Variants in PEX5L observed in about 807,000 individuals in gnomAD.
PEX5L encodes the protein PEX5-related protein.
A neutral mutation model predicts 84.0 loss-of-function variants in PEX5L; 30 were observed. That is an observed-to-expected ratio of 0.36 (90% CI 0.27 to 0.48). PEX5L has a LOEUF of 0.48. PEX5L is among the 20% of genes least tolerant of loss of function. The pLI is 0.99. For missense variants in PEX5L, 533 were observed against 754.6 expected (o/e 0.71, Z 3.44); for synonymous variants, 270 against 283.1 (o/e 0.95, Z 0.46).
chr3:180,015,651 A>T (rs1789879774), intron 1 of PEX5L, among the ~76,000 whole-genome samples: 1 of 151,930 alleles, frequency 6.6e-6, no homozygotes, highest in Admixed American at 6.6e-5. Flanking sequence ...AACTGAGAGG[A>T]TGGCCATGGT....
At chr3:179,843,028 A>G (rs766473603) in intron 8 of PEX5L, among the ~76,000 whole-genome samples, 8 of 152,104 alleles carry the variant, frequency 5.3e-5, no homozygotes, top group Non-Finnish European at 1.2e-4. Context: ...TTACTGGAGC[A>G]GAAATTTAGA....
chr3:179,986,456 G>C (rs1427540428), intron 1 of PEX5L, among the ~76,000 whole-genome samples: 1 of 141,676 alleles, frequency 7.1e-6, no homozygotes, highest in Non-Finnish European at 1.5e-5. Flanking sequence ...AGGCTGGAGT[G>C]CAGTGGCGCG....
At chr3:179,982,991 GT>G (rs1366052155) in intron 1 of PEX5L, among the ~76,000 whole-genome samples, 2 of 151,840 alleles carry the variant, frequency 1.3e-5, no homozygotes, top group African/African-American at 4.8e-5. Flanking sequence ...TATTTAGTAA[GT>G]TTTTTTGAAT....
chr3:179,941,132 A>C (rs2109798199), intron 2 of PEX5L, among the ~76,000 whole-genome samples: 1 of 152,378 alleles, frequency 6.6e-6, no homozygotes, highest in South Asian at 2.1e-4. Context: ...GCACAAGATT[A>C]GAGCCATTTA....
chr3:179,941,339 C>T (rs1416529047), intron 2 of PEX5L, among the ~76,000 whole-genome samples: 1 of 152,218 alleles, frequency 6.6e-6, no homozygotes, highest in Admixed American at 6.5e-5. Flanking sequence ...AGAACTCTTG[C>T]CCTTCCCCTC....
chr3:179,919,975 T>C (rs1365701779), intron 2 of PEX5L, among the ~76,000 whole-genome samples: 1 of 152,212 alleles, frequency 6.6e-6, no homozygotes, highest in African/African-American at 2.4e-5. Flanking sequence ...AGTGTTGAGA[T>C]TACAGGCATG....
intron 2 of PEX5L, among the ~76,000 whole-genome samples, chr3:179,909,395 A>C (rs1212338648): frequency 3.3e-5 from 5 of 152,214 alleles, no homozygotes; most frequent in Non-Finnish European, 1.5e-5. Context: ...TGCGTTATCC[A>C]TGAGCAAATT....
At chr3:179,904,439 A>G (rs1250635985) in intron 2 of PEX5L, among the ~76,000 whole-genome samples, 1 of 152,164 alleles carries the variant, frequency 6.6e-6, no homozygotes, top group Non-Finnish European at 1.5e-5. Flanking sequence ...ACCAATCTCT[A>G]CGGTCTTTGA....
intron 3 of PEX5L, 118 bp from the exon 4 acceptor site, chr3:179,887,902 A>T: frequency 1.4e-6 from 1 of 722,792 alleles, no homozygotes; most frequent in South Asian, 1.8e-5. Flanking sequence ...AAATAAATAC[A>T]TAAATAAATA....
chr3:179,831,347 G>A (rs1051131182), intron 8 of PEX5L, among the ~76,000 whole-genome samples: 3 of 150,712 alleles, frequency 2.0e-5, no homozygotes, highest in East Asian at 3.9e-4. Context: ...CTACAAGACC[G>A]CAGTGCTTTT....
At chr3:179,864,695 T>C (rs75173086) in intron 7 of PEX5L, among the ~76,000 whole-genome samples, 4,236 of 152,230 alleles carry the variant, frequency 0.028, 190 homozygotes, top group African/African-American at 0.097. Flanking sequence ...ATTCCCACTA[T>C]AAAAATAAGT....
At position 179,850,456 on chromosome 3, in the gene PEX5L, A is replaced by G. The variant is rs183331878; in HGVS notation, c.822+8606T>C. 3.4e-3 allele frequency among the ~76,000 whole-genome samples: 520 copies of G among 152,110 alleles called. 2 individuals are homozygous for G. The highest frequency in any genetic ancestry group is 5.6e-3 in the Non-Finnish European group (381 of 67,956). ...CTTGCCTTATACTTTTATCCTTACC[A>G]TCTCTCAGCATTCATTGCAAGTGAT... On this transcript the variant is annotated intron_variant, in intron 8 of 14. Transcript: ENST00000467460.
chr3:179,812,012 T>G, intron 10 of PEX5L, 141 bp from the exon 11 acceptor site: 1 of 657,956 alleles, frequency 1.5e-6, no homozygotes, highest in East Asian at 2.6e-5. Flanking sequence ...GGAAAAATAT[T>G]GTATGCATTT....
intron 3 of PEX5L, chr3:179,895,501 G>A (rs1247540302): frequency 1.3e-4 from 20 of 152,096 alleles, no homozygotes; most frequent in Admixed American, 1.3e-3. Flanking sequence ...GAGCTTCTAT[G>A]AAGTCCTTGC....
chr3:179,809,442 T>C, intron 12 of PEX5L, 29 bp downstream of exon 12: 1 of 1,557,022 alleles, frequency 6.4e-7, no homozygotes, highest in Non-Finnish European at 8.9e-7. Context: ...GGGTGTTTAC[T>C]GCCAGCTGTA....
intron 1 of PEX5L, among the ~76,000 whole-genome samples, chr3:179,991,224 T>C (rs1787347512): frequency 6.6e-6 from 1 of 152,214 alleles, no homozygotes; most frequent in Admixed American, 6.5e-5. Context: ...TATCTGTTGA[T>C]TGTATAGCAC....
chr3:179,880,713 T>G (rs1335563290), intron 4 of PEX5L, among the ~76,000 whole-genome samples: 1 of 152,260 alleles, frequency 6.6e-6, no homozygotes, highest in African/African-American at 2.4e-5. Context: ...TATGCAAATT[T>G]GAATTTCAAT....
chr3:179,926,260 C>T (rs1483573892), intron 2 of PEX5L, among the ~76,000 whole-genome samples: 2 of 152,140 alleles, frequency 1.3e-5, no homozygotes, highest in African/African-American at 4.8e-5. Context: ...CCCCACAGTG[C>T]TCTCCTTAAC....
Position 179,867,025 on chromosome 3 carries a change from CAAAAAAAAAAAAAAAAG to C in PEX5L, c.726+7285_726+7301del, listed in dbSNP as rs1485824165. ...TGGGTGACAGAGCAAGACTCTGTCT[CAAAAAAAAAAAAAAAAG>C]AAAAAAAAAAAAGAAAAGAAAATAC... On this transcript the variant is annotated intron_variant, in intron 7 of 14. Coordinates refer to ENST00000467460, the MANE Select transcript of PEX5L (RefSeq NM_016559.3). Among the ~76,000 whole-genome samples, 2 of 89,414 alleles carry C rather than the reference CAAAAAAAAAAAAAAAAG, an allele frequency of 2.2e-5. 1 individual carries two copies. The highest frequency in any genetic ancestry group is 7.3e-4 in the South Asian group (2 of 2,744). The allele number at this position is 89,414 out of a possible 152,430, so 58.7% of individuals were successfully genotyped here.
Sources: allele counts gnomAD v4.1 joint callset (sites outside exome capture counted in the v4.1 genomes callset), GRCh38; gene constraint gnomAD v4.1.1; transcripts MANE v1.5; gene names NCBI Gene and HGNC (gene_info 2026-07-23, HGNC 2026-07-21).